Variants in LZTS1 observed in about 807,000 individuals in gnomAD.
LZTS1 encodes the protein leucine zipper putative tumor suppressor 1.
A neutral mutation model predicts 45.8 loss-of-function variants in LZTS1; 31 were observed. That is an observed-to-expected ratio of 0.68 (90% CI 0.51 to 0.91). The LOEUF (loss-of-function observed/expected upper bound fraction) is 0.91, where lower values mean the gene tolerates loss of function less well. LZTS1 is among the 40% of genes least tolerant of loss of function. The pLI, the probability that LZTS1 is intolerant of heterozygous loss-of-function variation, is 0.00. For missense variants in LZTS1, 821 were observed against 788.9 expected, an observed-to-expected ratio of 1.04 and a Z score of -0.49; for synonymous variants, 359 against 357.3, an observed-to-expected ratio of 1.00 and a Z score of -0.05.
At position 20,249,655 on chromosome 8, in the gene LZTS1, G is replaced by C. The variant is rs1382190943; in HGVS notation, c.*67C>G. On this transcript the variant is annotated 3_prime_UTR_variant, in exon 4 of 4. Coordinates refer to ENST00000381569, the MANE Select transcript of LZTS1 (RefSeq NM_021020.5). ...CAGAGGGGTCTGAATTGCTGAGCAG[G>C]GGGGATGCACGGGAGAGCCCTGCCT... is the stretch of plus-strand genomic sequence containing the variant. 2 of 1,534,156 alleles carry C rather than the reference G, an allele frequency of 1.3e-6. No homozygotes were observed. Among genetic ancestry groups the C allele is most frequent in the Non-Finnish European group, 1.8e-6 (2 of 1,141,950 alleles).
intron 1 of LZTS1, among the ~76,000 whole-genome samples, chr8:20,256,406 C>G (rs1239899418): frequency 6.6e-6 from 1 of 152,164 alleles, no homozygotes; most frequent in Non-Finnish European, 1.5e-5. Flanking sequence ...GGGAAGGTCA[C>G]TCTGGCTTCC....
intron 1 of LZTS1, among the ~76,000 whole-genome samples, chr8:20,293,470 G>C (rs974755999): frequency 2.0e-5 from 3 of 152,142 alleles, no homozygotes; most frequent in Non-Finnish European, 4.4e-5. Context: ...ATGAAGACTC[G>C]GTGCTGATTC....
Position 20,253,512 on chromosome 8 carries a change from G to C in LZTS1, c.419C>G (p.Ser140Cys). 1 of 1,569,466 alleles carries C rather than the reference G, an allele frequency of 6.4e-7. No homozygotes were observed. The highest frequency in any genetic ancestry group is 8.6e-7 in the Non-Finnish European group (1 of 1,160,422). The stretch of plus-strand genomic sequence containing the variant: ...CTGGTGGCTGGCACTCTCCGGGGAG[G>C]AGTGCAGGATGGCTCCTGACCGTGG... The part of the protein sequence containing the change: ...VLPRSGAILH[S>C]SPESASHQLH... Residue 140 changes from serine to cysteine, a missense_variant, in exon 3 of 4, where the codon TCC becomes TGC. Ser to Cys is a moderately radical substitution (Grantham distance 112). Coordinates refer to ENST00000381569, the MANE Select transcript of LZTS1 (RefSeq NM_021020.5).
In LZTS1 at chr8:20,299,870, A is replaced by C. The variant is rs571747598; in HGVS notation, c.-135+3870T>G. ...ATTCAACAGCAAACTCAAAGAGCTAATATGTAAATCACCTCAAGATTCCCC... is the reference window on the plus strand; with the variant it reads ...ATTCAACAGCAAACTCAAAGAGCTACTATGTAAATCACCTCAAGATTCCCC... On this transcript the variant is annotated intron_variant, in intron 1 of 3. Coordinates refer to ENST00000381569, the MANE Select transcript of LZTS1 (RefSeq NM_021020.5). Among the ~76,000 whole-genome samples, 180 of 152,336 alleles carry C rather than the reference A, an allele frequency of 1.2e-3. 6 individuals carry two copies. The South Asian group carries it at 0.036, about 31-fold the overall frequency.
rs527759585 is a variant in LZTS1 at position 20,251,098 on chromosome 8, AATATAT to A, written c.1150-741_1150-736del. 7.8e-3 allele frequency among the ~76,000 whole-genome samples: 322 copies of A among 41,106 alleles called. 2 individuals carry two copies. Among genetic ancestry groups the A allele is most frequent in the African/African-American group, 0.012 (182 of 14,690 alleles). The allele number at this position is 41,106 out of a possible 152,430, so 27.0% of individuals were successfully genotyped here. ...TGGTGAAGTGACCAGCCTGAGGGCT[AATATAT>A]ATATATATATATATATATATATATA... On this transcript the variant is annotated intron_variant, in intron 3 of 3. Coordinates refer to ENST00000381569, the MANE Select transcript of LZTS1 (RefSeq NM_021020.5).
At chr8:20,261,408 A>G (rs1585284150) in intron 1 of LZTS1, among the ~76,000 whole-genome samples, 1 of 151,360 alleles carries the variant, frequency 6.6e-6, no homozygotes, top group African/African-American at 2.4e-5. Flanking sequence ...CCCTGACATG[A>G]CCTCCCCTCC....
chr8:20,257,918 C>T (rs188556689), intron 1 of LZTS1, among the ~76,000 whole-genome samples: 31 of 152,248 alleles, frequency 2.0e-4, no homozygotes, highest in Non-Finnish European at 3.7e-4. Flanking sequence ...AGGTGATCCA[C>T]CTGCCTAGGC....
intron 1 of LZTS1, among the ~76,000 whole-genome samples, chr8:20,257,466 G>A (rs1800132708): frequency 1.3e-5 from 2 of 152,124 alleles, no homozygotes; most frequent in Admixed American, 1.3e-4. Context: ...GAGCAGTTTT[G>A]GAGGAATGGT....
intron 1 of LZTS1, among the ~76,000 whole-genome samples, chr8:20,280,651 G>T (rs376325889): frequency 2.6e-5 from 4 of 152,186 alleles, no homozygotes; most frequent in African/African-American, 9.7e-5. Context: ...TTCAAGAAGT[G>T]CCAGGAGAAT....
At position 20,252,844 on chromosome 8, in the gene LZTS1, G is replaced by A. The variant is rs757708140; in HGVS notation, c.1087C>T (p.Leu363Phe). ...MKEQDLLETK[L>F]RSYEREKTSF... ...GTCTTCTCCCTCTCGTAGGACCTGAGCTTGGTCTCCAGCAGGTCCTGCTCC... is the reference window on the plus strand; with the variant it reads ...GTCTTCTCCCTCTCGTAGGACCTGAACTTGGTCTCCAGCAGGTCCTGCTCC... The change falls in exon 3 of 4, where the codon CTC (leucine) becomes TTC (phenylalanine). Residue 363 changes from leucine (L) to phenylalanine (F), a missense_variant. Leu to Phe is a conservative substitution (Grantham distance 22). Coordinates refer to ENST00000381569, the MANE Select transcript of LZTS1 (RefSeq NM_021020.5). 3.2e-6 allele frequency: 5 copies of A among 1,582,640 alleles called. No individual in the cohort carries two copies. In the African/African-American group the frequency reaches 6.8e-5, roughly 22 times the overall value.
intron 3 of LZTS1, among the ~76,000 whole-genome samples, chr8:20,251,150 A>ATATAAAT (rs1563851104): frequency 1.3e-5 from 1 of 79,004 alleles, no homozygotes; most frequent in Non-Finnish European, 2.7e-5. Flanking sequence ...TATATATATA[A>ATATAAAT]AATATAAAGT....
At chr8:20,293,458 C>T (rs988892022) in intron 1 of LZTS1, among the ~76,000 whole-genome samples, 4 of 152,222 alleles carry the variant, frequency 2.6e-5, no homozygotes, top group African/African-American at 9.6e-5. Flanking sequence ...TCTGTATCTT[C>T]CATGAAGACT....
intron 1 of LZTS1, among the ~76,000 whole-genome samples, chr8:20,292,392 T>G (rs1800914741): frequency 1.3e-5 from 2 of 152,208 alleles, no homozygotes; most frequent in South Asian, 4.1e-4. Context: ...CCTTCCATTT[T>G]GTTTGGGTTT....
chr8:20,290,260 G>C (rs760415041), intron 1 of LZTS1: 1 of 152,242 alleles, frequency 6.6e-6, no homozygotes, highest in Non-Finnish European at 1.5e-5. Context: ...ACTTGGGTGG[G>C]AGAATGGAGA....
rs1319296477 is a variant in LZTS1, at chr8:20,255,093, T to G, written c.89A>C (p.His30Pro). The G allele has an allele frequency of 1.2e-6, 2 of 1,613,878 alleles. No homozygotes were observed. Among genetic ancestry groups the G allele is most frequent in the Admixed American group, 3.3e-5 (2 of 59,990 alleles). The change falls in exon 2 of 4, where the codon CAC (histidine) becomes CCC (proline). Residue 30 changes from histidine (H) to proline (P), a missense_variant. His to Pro is a moderately conservative substitution (Grantham distance 77). Coordinates refer to ENST00000381569, the MANE Select transcript of LZTS1 (RefSeq NM_021020.5). ...GGAATACCGGTTGAGCTTCTTGAGG[T>G]GGGAGGACTTGCGCAGCTTGTACTG... is the stretch of plus-strand genomic sequence containing the variant. ...ASQYKLRKSS[H>P]LKKLNRYSDG... is the part of the protein sequence containing the mutation.
rs117443699 is a variant in LZTS1, at chr8:20,270,334, C to A, written c.-134-15019G>T. On this transcript the variant is annotated intron_variant, in intron 1 of 3. Coordinates refer to ENST00000381569, the MANE Select transcript of LZTS1 (RefSeq NM_021020.5). Reference sequence around the variant, plus strand: ...GGGAAGAGCATTCTATGCTGAGAGGCGCTGCTACAAAAATACTCCCATCAG... The same window carrying A: ...GGGAAGAGCATTCTATGCTGAGAGGAGCTGCTACAAAAATACTCCCATCAG... Among the ~76,000 whole-genome samples, 172 of 152,314 alleles carry A rather than the reference C, an allele frequency of 1.1e-3. 2 individuals are homozygous for A. In the East Asian group the frequency reaches 0.032, roughly 28 times the overall value.
At chr8:20,283,039 A>G (rs1466582810) in intron 1 of LZTS1, among the ~76,000 whole-genome samples, 1 of 152,168 alleles carries the variant, frequency 6.6e-6, no homozygotes, top group Non-Finnish European at 1.5e-5. Flanking sequence ...AGTGGGATGG[A>G]TAGAGCCTGA....
intron 1 of LZTS1, among the ~76,000 whole-genome samples, chr8:20,301,925 T>C (rs1440561274): frequency 1.3e-5 from 2 of 152,146 alleles, no homozygotes; most frequent in Non-Finnish European, 2.9e-5. Flanking sequence ...CTTCAGCACA[T>C]CAAATGTCCC....
chr8:20,261,992 A>G (rs900183775), intron 1 of LZTS1, among the ~76,000 whole-genome samples: 1 of 151,916 alleles, frequency 6.6e-6, no homozygotes, highest in African/African-American at 2.4e-5. Flanking sequence ...CTCCTCCCCT[A>G]AGCTGCAAAG....
Sources: allele counts gnomAD v4.1 joint callset (sites outside exome capture counted in the v4.1 genomes callset), GRCh38; gene constraint gnomAD v4.1.1; transcripts MANE v1.5; gene names NCBI Gene and HGNC (gene_info 2026-07-23, HGNC 2026-07-21).